FASN: variants seen among roughly 807,000 people sequenced by gnomAD.
FASN encodes the protein fatty acid synthase, also known as 3-hydroxyacyl-[acyl-carrier-protein] dehydratase.
A neutral mutation model predicts 250.0 loss-of-function variants in FASN; 50 were observed. The ratio of observed to expected loss-of-function variants is 0.20; its 90% CI spans 0.16 to 0.25. FASN has a LOEUF of 0.25. Ranked by LOEUF, FASN falls within the 10% of genes least tolerant of loss-of-function variation. FASN has a pLI of 1.00. For synonymous variants in FASN, 1,909 were observed against 1,584.0 expected, an observed-to-expected ratio of 1.21 and a Z score of -4.87; for missense variants, 3,031 against 3,498.5, an observed-to-expected ratio of 0.87 and a Z score of 3.37.
chr17:82,080,647 A>G (rs1277766304), intron 39 of FASN, 45 bp downstream of exon 39: 3 of 1,553,326 alleles, frequency 1.9e-6, no homozygotes, highest in Non-Finnish European at 2.6e-6. Flanking sequence ...GGGCCCCGTG[A>G]TGGCCAGCAC....
chr17:82,087,663 C>A (rs1372725352), intron 19 of FASN, 22 bp downstream of exon 19: 1 of 1,609,638 alleles, frequency 6.2e-7, no homozygotes, highest in Admixed American at 1.7e-5. Context: ...GTGGCTTGGG[C>A]AGCAGTGTAG....
Position 82,095,235 on chromosome 17 carries a change from T to C in FASN, c.280+85A>G, listed in dbSNP as rs541122724. On this transcript the variant is annotated intron_variant, in intron 3 of 42. Coordinates refer to ENST00000306749, the MANE Select transcript of FASN (RefSeq NM_004104.5). ...GGTAGGTGGTGCCAGCACCTGGTTC[T>C]ACCAGAACCAAGAAGAGAAAACACT... 139 of 1,508,354 alleles carry C rather than the reference T, an allele frequency of 9.2e-5. No individual in the cohort carries two copies. The African/African-American group carries it at 1.7e-3, about 19-fold the overall frequency. 93.4% of individuals were successfully genotyped at this position (1,508,354 alleles called of 1,614,324 possible). A position where few individuals can be genotyped will look rare whatever the true frequency, so the allele number is the denominator to read the frequency against.
intron 37 of FASN, 74 bp from the exon 38 acceptor site, chr17:82,081,426 C>T (rs1037618569): frequency 1.9e-6 from 3 of 1,564,554 alleles, no homozygotes; most frequent in Middle Eastern, 2.2e-4. Context: ...GGCTGACACC[C>T]AGGGGTGCGT....
chr17:82,093,823 G>GCCCA (rs1568117750), intron 3 of FASN, 52 bp from the exon 4 acceptor site: 13 of 1,552,892 alleles, frequency 8.4e-6, no homozygotes, highest in African/African-American at 8.3e-5. Context: ...AGCGCAGCCA[G>GCCCA]CCCACCCACC....
In FASN at chr17:82,083,303, C is replaced by A. The variant is rs760134398; in HGVS notation, c.5464G>T (p.Val1822Leu). The A allele has an allele frequency of 6.2e-7, 1 of 1,612,666 alleles. No homozygotes were observed. Among genetic ancestry groups the A allele is most frequent in the Non-Finnish European group, 8.5e-7 (1 of 1,180,016 alleles). ...ALVQAGIRDG[V>L]VRPLKCTVFH... Reference sequence around the variant, plus strand: ...ACCGTGCACTTGAGGGGCCGTACCACCCCATCCCGGATGCCGGCCTGCACA... The same window carrying A: ...ACCGTGCACTTGAGGGGCCGTACCAACCCATCCCGGATGCCGGCCTGCACA... Residue 1822 changes from valine (V) to leucine (L), a missense_variant, in exon 32 of 43, where the codon GTG becomes TTG. By Grantham distance (32) the Val-to-Leu change is conservative (BLOSUM62 1). Coordinates refer to ENST00000306749, the MANE Select transcript of FASN (RefSeq NM_004104.5).
intron 8 of FASN, among the ~76,000 whole-genome samples, chr17:82,092,122 G>A (rs528330643): frequency 9.9e-5 from 15 of 152,256 alleles, no homozygotes; most frequent in African/African-American, 3.6e-4. Context: ...TGGGCGACAC[G>A]GGAGACCCTG....
At position 82,085,230 on chromosome 17, in the gene FASN, G is replaced by A. The variant is rs931816571; in HGVS notation, c.4287+8C>T. The stretch of plus-strand genomic sequence containing the variant: ...GGGGTGGGGCCTGGAGGTGGGGCAG[G>A]GCCTGACCTTCAGAGACTCCACCCA... On this transcript the variant is annotated splice_region_variant and intron_variant, in intron 24 of 42. Coordinates refer to ENST00000306749, the MANE Select transcript of FASN (RefSeq NM_004104.5). 6 of 1,611,978 alleles carry A rather than the reference G, an allele frequency of 3.7e-6. No individual in the cohort carries two copies. Among genetic ancestry groups the A allele is most frequent in the South Asian group, 3.3e-5 (3 of 91,054 alleles).
At chr17:82,094,873 G>A (rs974476832) in intron 3 of FASN, among the ~76,000 whole-genome samples, 3 of 151,514 alleles carry the variant, frequency 2.0e-5, no homozygotes, top group Admixed American at 6.6e-5. Flanking sequence ...CGAGGGCCAG[G>A]CTGGCGGGAG....
At position 82,087,084 on chromosome 17, in the gene FASN, G is replaced by A. The variant is rs1395075200; in HGVS notation, c.3393C>T (p.Arg1131=). ...GTTGCAGCTCCTCCTGCAGGGCAGC[G>A]CGCTCAGACAGGCACCCCTCCTCCG... ...PHTEEGCLSE[R]AALQEELQLC... is the part of the protein sequence containing the mutation. The change falls in exon 21 of 43, where the codon CGC becomes CGT. Residue 1131 remains arginine, a synonymous_variant. Transcript: ENST00000306749. 16 of 1,611,522 alleles carry A rather than the reference G, an allele frequency of 9.9e-6. No homozygotes were observed. The highest frequency in any genetic ancestry group is 5.0e-5 in the Admixed American group (3 of 59,994).
chr17:82,095,070 A>G (rs922592244), intron 3 of FASN, among the ~76,000 whole-genome samples: 1 of 152,292 alleles, frequency 6.6e-6, no homozygotes, highest in East Asian at 1.9e-4. Context: ...CACCAGCCAG[A>G]CATCAGAAGC....
rs777381342 is a variant in FASN at position 82,092,682 on chromosome 17, G to T, written c.894+15C>A. 4.9e-6 allele frequency: 7 copies of T among 1,426,944 alleles called. No individual in the cohort carries two copies. The highest frequency in any genetic ancestry group is 2.8e-5 in the African/African-American group (2 of 71,044). 88.4% of individuals were successfully genotyped at this position (1,426,944 alleles called of 1,614,324 possible). On this transcript the variant is annotated intron_variant, in intron 7 of 42. Coordinates refer to ENST00000306749, the MANE Select transcript of FASN (RefSeq NM_004104.5). ...CTCATGGGGTGGTGAGTGGGGCGGG[G>T]GGGGGGGGCATCACCTTGGTGCCTG...
Position 82,094,801 on chromosome 17 carries a change from T to TAAATAA in FASN, c.280+513_280+518dup, listed in dbSNP as rs1302779943. ...AGACTCCGTCTTAAAAATAAATAAA[T>TAAATAA]AAATAAAAATAAAAATAAAAAAACG... On this transcript the variant is annotated intron_variant, in intron 3 of 42. Transcript: ENST00000306749. Among the ~76,000 whole-genome samples, 274 of 149,194 alleles carry TAAATAA rather than the reference T, an allele frequency of 1.8e-3. 1 individual carries two copies. The highest frequency in any genetic ancestry group is 2.1e-3 in the Admixed American group (32 of 14,930).
intron 41 of FASN, 188 bp from the exon 42 acceptor site, chr17:82,079,796 C>A: frequency 1.3e-6 from 1 of 783,010 alleles, no homozygotes; most frequent in Non-Finnish European, 2.0e-6. Context: ...CCTCCCTCCG[C>A]AACCTCCACC....
At position 82,088,954 on chromosome 17, in the gene FASN, C is replaced by G. The variant is rs539948679; in HGVS notation, c.2304+15G>C. ...CCCAGGCTCCCGGCGCCTGCTGCCC[C>G]CAGGCTGGGCCTACCTGCAGCAGGG... is the stretch of plus-strand genomic sequence containing the variant. On this transcript the variant is annotated intron_variant, in intron 14 of 42. Transcript: ENST00000306749. 2 of 1,608,228 alleles carry G rather than the reference C, an allele frequency of 1.2e-6. No homozygotes were observed. The highest frequency in any genetic ancestry group is 3.4e-5 in the Admixed American group (2 of 59,528).
At chr17:82,081,937 A>G (rs1255858494) in intron 36 of FASN, 72 bp downstream of exon 36, 3 of 221,530 alleles carry the variant, frequency 1.4e-5, no homozygotes, top group African/African-American at 1.1e-4. Flanking sequence ...CTGCGGGGAG[A>G]AGGTGGGGGT....
chr17:82,093,364 G>A lies in FASN; in HGVS notation c.510C>T (p.Asn170=), dbSNP rs376555509. 6.9e-6 allele frequency: 11 copies of A among 1,603,726 alleles called. No homozygotes were observed. The African/African-American group carries it at 1.2e-4, about 18-fold the overall frequency. ...ACSSSLMALQ[N]AYQAIHSGQC... is the part of the protein sequence containing the mutation. ...GCCCGCTGTGGATGGCCTGGTAGGC[G>A]TTCTGCAGGGCCATCAGGCTGGAGG... Residue 170 remains asparagine, a synonymous_variant, in exon 5 of 43, where the codon AAC becomes AAT. Coordinates refer to ENST00000306749, the MANE Select transcript of FASN (RefSeq NM_004104.5).
At chr17:82,095,897 G>T (rs542449144) in intron 2 of FASN, among the ~76,000 whole-genome samples, 2 of 152,024 alleles carry the variant, frequency 1.3e-5, no homozygotes, top group Non-Finnish European at 2.9e-5. Context: ...CCCAGCTCAG[G>T]ACAGACACAG....
In FASN at chr17:82,079,223, C is replaced by T. The variant is rs779013746; in HGVS notation, c.7456G>A (p.Glu2486Lys). Reference protein sequence around the residue: ...VIEGDHRTLLEGSGLESIISI... With the variant: ...VIEGDHRTLLKGSGLESIISI... ...ATGATGGACTCCAGGCCGCTGCCCT[C>T]CAGCAGCGTGCGGTGGTCACCCTCG... Residue 2486 changes from glutamate (E) to lysine (K), a missense_variant, in exon 43 of 43, where the codon GAG becomes AAG. Coordinates refer to ENST00000306749, the MANE Select transcript of FASN (RefSeq NM_004104.5). The T allele has an allele frequency of 1.9e-6, 3 of 1,613,018 alleles. No individual in the cohort carries two copies. The highest frequency in any genetic ancestry group is 1.7e-6 in the Non-Finnish European group (2 of 1,179,970).
In FASN at chr17:82,089,702, T is replaced by A. The variant is rs773304473; in HGVS notation, c.1895A>T (p.Gln632Leu). The A allele has an allele frequency of 1.8e-5, 28 of 1,588,496 alleles. No homozygotes were observed. The African/African-American group carries it at 2.1e-4, about 12-fold the overall frequency. The change falls in exon 12 of 43, where the codon CAG (glutamine) becomes CTG (leucine). Residue 632 changes from glutamine (Q) to leucine (L), a missense_variant. Transcript: ENST00000306749. Reference sequence around the variant, plus strand: ...GGGCACCACGCCCGGGGGGCAGCGCTGTTTACACTCCTCCCAGGACAAGCC... The same window carrying A: ...GGGCACCACGCCCGGGGGGCAGCGCAGTTTACACTCCTCCCAGGACAAGCC... ...AVGLSWEECKQRCPPGVVPAC... is the reference protein window; with the variant it reads ...AVGLSWEECKLRCPPGVVPAC...
Sources: allele counts gnomAD v4.1 joint callset (sites outside exome capture counted in the v4.1 genomes callset), GRCh38; gene constraint gnomAD v4.1.1; transcripts MANE v1.5; gene names NCBI Gene and HGNC (gene_info 2026-07-23, HGNC 2026-07-21).